Variants in JCAD observed in about 807,000 individuals in gnomAD.
JCAD encodes the protein junctional cadherin 5-associated protein.
In JCAD, 40 loss-of-function variants were observed where a neutral mutation model predicts 98.0. That is an observed-to-expected ratio of 0.41 (90% CI 0.32 to 0.53). The LOEUF (loss-of-function observed/expected upper bound fraction) is 0.53, where lower values mean the gene tolerates loss of function less well. Among genes scored for constraint, JCAD ranks in the 20% least tolerant of loss-of-function variants. The pLI is 0.31. For missense variants in JCAD, 1,705 were observed against 1,738.1 expected, an observed-to-expected ratio of 0.98 and a Z score of 0.34; for synonymous variants, 691 against 682.3, an observed-to-expected ratio of 1.01 and a Z score of -0.20.
chr10:30,055,686 A>T (rs1837556978), intron 1 of JCAD, among the ~76,000 whole-genome samples: 1 of 152,252 alleles, frequency 6.6e-6, no homozygotes, highest in Admixed American at 6.5e-5. Flanking sequence ...TCTGTGAAGT[A>T]ATCATTTTAG....
intron 1 of JCAD, among the ~76,000 whole-genome samples, chr10:30,108,717 A>C (rs952828186): frequency 6.6e-6 from 1 of 152,122 alleles, no homozygotes; most frequent in African/African-American, 2.4e-5. Context: ...CAGCCACTAC[A>C]TGCTTCTTCT....
chr10:30,019,750 G>C (rs1836618027), intron 3 of JCAD, among the ~76,000 whole-genome samples: 1 of 152,070 alleles, frequency 6.6e-6, no homozygotes, highest in South Asian at 2.1e-4. Flanking sequence ...TTTGCTGATA[G>C]AGTACATCTC....
rs757914117 is a variant in JCAD at position 30,028,154 on chromosome 10, C to G, written c.1994G>C (p.Ser665Thr). The change falls in exon 3 of 4, where the codon AGT becomes ACT. Residue 665 changes from serine (S) to threonine (T), a missense_variant. Around this residue, in one of 3 missense-constraint regions of JCAD, gnomAD observed 1,278 missense variants for 1,243.1 expected, o/e 1.03. Transcript: ENST00000375377. ...TCTGTGCTTTGTAAGGTGGATGAAA[C>G]TGAGGTCATTTGTTTGTCTGTCTTC... ...PEEDRQTNDL[S>T]FIHLTKHREL... 1 of 1,614,202 alleles carries G rather than the reference C, an allele frequency of 6.2e-7. No homozygotes were observed. The highest frequency in any genetic ancestry group is 8.5e-7 in the Non-Finnish European group (1 of 1,180,038).
chr10:30,047,763 C>T lies in JCAD; in HGVS notation c.50G>A (p.Arg17Lys). ...LLISHGYKLS[R>K]DPPASREDNP... Reference sequence around the variant, plus strand: ...ATCCTCGCGTGATGCTGGGGGGTCTCTTGACAGCTTGTATCCATGAGAGAT... The same window carrying T: ...ATCCTCGCGTGATGCTGGGGGGTCTTTTGACAGCTTGTATCCATGAGAGAT... Residue 17 changes from arginine to lysine, a missense_variant, in exon 2 of 4, where the codon AGA becomes AAA. This residue lies in a region of JCAD where 152 missense variants were observed against 148.0 expected (regional missense o/e 1.03). Transcript: ENST00000375377. The T allele has an allele frequency of 6.2e-7, 1 of 1,614,134 alleles. No homozygotes were observed. The highest frequency in any genetic ancestry group is 8.5e-7 in the Non-Finnish European group (1 of 1,180,012).
intron 2 of JCAD, among the ~76,000 whole-genome samples, chr10:30,045,201 G>A (rs928183493): frequency 6.6e-6 from 1 of 152,088 alleles, no homozygotes; most frequent in Non-Finnish European, 1.5e-5. Context: ...GGATGAGGTT[G>A]GCGGCCACAC....
chr10:30,089,143 C>A (rs1838215115), intron 1 of JCAD, among the ~76,000 whole-genome samples: 1 of 152,040 alleles, frequency 6.6e-6, no homozygotes, highest in Non-Finnish European at 1.5e-5. Flanking sequence ...GAGCACTGTG[C>A]TGGGGGTGGA....
intron 1 of JCAD, among the ~76,000 whole-genome samples, chr10:30,091,229 A>G (rs1349566219): frequency 6.6e-6 from 1 of 152,202 alleles, no homozygotes; most frequent in Non-Finnish European, 1.5e-5. Context: ...TAATAACATA[A>G]TGGAATCTCT....
intron 1 of JCAD, among the ~76,000 whole-genome samples, chr10:30,087,236 T>C (rs1156395269): frequency 6.6e-6 from 1 of 152,060 alleles, no homozygotes; most frequent in Admixed American, 6.6e-5. Context: ...TAAGGTCAGC[T>C]CAAGACTAGC....
intron 1 of JCAD, among the ~76,000 whole-genome samples, chr10:30,079,126 C>A (rs1381429986): frequency 2.6e-5 from 4 of 151,988 alleles, no homozygotes; most frequent in African/African-American, 9.7e-5. Context: ...TCTTGGGAGG[C>A]CGAGGCGGGC....
intron 3 of JCAD, among the ~76,000 whole-genome samples, chr10:30,018,286 TC>T (rs1836579665): frequency 7.9e-6 from 1 of 125,902 alleles, no homozygotes; most frequent in African/African-American, 3.5e-5. Context: ...TTCTTCTTCT[TC>T]TTCTTCTTCT....
chr10:30,092,098 T>TTAAATATATA (rs11268260), intron 1 of JCAD, among the ~76,000 whole-genome samples: 9,330 of 44,242 alleles, frequency 0.21, 1,553 homozygotes, highest in Admixed American at 0.23. Context: ...TAAAGTTACT[T>TTAAATATATA]TATATATATA....
chr10:30,076,963 G>A (rs951039890), intron 1 of JCAD, among the ~76,000 whole-genome samples: 1 of 152,166 alleles, frequency 6.6e-6, no homozygotes, highest in Non-Finnish European at 1.5e-5. Flanking sequence ...CAGCAGAACT[G>A]ACCTGCCCAG....
Position 30,026,433 on chromosome 10 carries a change from C to T in JCAD, c.3715G>A (p.Val1239Met). 6.2e-7 allele frequency: 1 copy of T among 1,614,258 alleles called. No homozygotes were observed. The highest frequency in any genetic ancestry group is 8.5e-7 in the Non-Finnish European group (1 of 1,180,044). Reference sequence around the variant, plus strand: ...AGTTTCTCTTGTAAACTTTCAATCACTTTGGAAGGGCTTCTAAGTCTCTTT... The same window carrying T: ...AGTTTCTCTTGTAAACTTTCAATCATTTTGGAAGGGCTTCTAAGTCTCTTT... ...SEKRLRSPSK[V>M]IESLQEKLAS... The change falls in exon 3 of 4, where the codon GTG (valine) becomes ATG (methionine). Residue 1239 changes from valine (V) to methionine (M), a missense_variant. Physicochemically the swap from Val to Met is conservative, Grantham distance 21 (BLOSUM62 1). Transcript: ENST00000375377.
chr10:30,027,434 C>T lies in JCAD; in HGVS notation c.2714G>A (p.Arg905Lys). Residue 905 changes from arginine to lysine, a missense_variant, in exon 3 of 4, where the codon AGG becomes AAG. Physicochemically the swap from Arg to Lys is conservative, Grantham distance 26. This residue lies in a region of JCAD where 1,278 missense variants were observed against 1,243.1 expected (regional missense o/e 1.03). Coordinates refer to ENST00000375377, the MANE Select transcript of JCAD (RefSeq NM_020848.4). ...RMWVPESPVC[R>K]SGRGESKSES... is the part of the protein sequence containing the mutation. ...AGACTTACTCTCACCTCTTCCCGAC[C>T]TACACACAGGGCTCTCCGGCACCCA... is the stretch of plus-strand genomic sequence containing the variant. The T allele has an allele frequency of 6.2e-7, 1 of 1,604,674 alleles. No homozygotes were observed. The highest frequency in any genetic ancestry group is 1.1e-5 in the South Asian group (1 of 91,086).
Position 30,029,764 on chromosome 10 carries a change from C to T in JCAD, c.384G>A (p.Pro128=), listed in dbSNP as rs377637490. Residue 128 remains proline, a synonymous_variant, in exon 3 of 4, where the codon CCG becomes CCA. Coordinates refer to ENST00000375377, the MANE Select transcript of JCAD (RefSeq NM_020848.4). ...RGRQEARSQK[P]REHENLEARG... Reference sequence around the variant, plus strand: ...TGGCCTCCAGGTTTTCGTGCTCCCTCGGCTTCTGGCTCCTGGCTTCTTGCC... The same window carrying T: ...TGGCCTCCAGGTTTTCGTGCTCCCTTGGCTTCTGGCTCCTGGCTTCTTGCC... 2.5e-5 allele frequency: 41 copies of T among 1,614,126 alleles called. No homozygotes were observed. Among genetic ancestry groups the T allele is most frequent in the African/African-American group, 5.3e-5 (4 of 74,936 alleles).
intron 1 of JCAD, among the ~76,000 whole-genome samples, chr10:30,112,245 AG>A (rs979585627): frequency 4.6e-5 from 7 of 152,222 alleles, no homozygotes; most frequent in Admixed American, 4.6e-4. Context: ...AGGCTGATGT[AG>A]GAGGATCACT....
chr10:30,047,622 C>A lies in JCAD; in HGVS notation c.191G>T (p.Gly64Val). The A allele has an allele frequency of 6.2e-7, 1 of 1,614,210 alleles. No homozygotes were observed. The highest frequency in any genetic ancestry group is 8.5e-7 in the Non-Finnish European group (1 of 1,180,046). ...LAHRKTSAGK[G>V]HVSDSESRRS... ...GCGGCTTTCGGAGTCACTCACATGT[C>A]CTTTCCCCGCGGACGTCTTACGATG... The change falls in exon 2 of 4, where the codon GGA (glycine) becomes GTA (valine). Residue 64 changes from glycine to valine, a missense_variant. Coordinates refer to ENST00000375377, the MANE Select transcript of JCAD (RefSeq NM_020848.4).
At chr10:30,106,093 G>A (rs919360185) in intron 1 of JCAD, among the ~76,000 whole-genome samples, 8 of 152,036 alleles carry the variant, frequency 5.3e-5, no homozygotes, top group East Asian at 1.9e-4. Flanking sequence ...ATAGAACCAC[G>A]GTTATAGATT....
At chr10:30,072,673 G>A (rs1018350104) in intron 1 of JCAD, among the ~76,000 whole-genome samples, 1 of 148,966 alleles carries the variant, frequency 6.7e-6, no homozygotes, top group Non-Finnish European at 1.5e-5. Flanking sequence ...TTTTTTTTGA[G>A]ACAGAGTCTC....
Sources: gnomAD v4.1 joint callset for allele counts (sites outside exome capture counted in the v4.1 genomes callset) on GRCh38, gnomAD v4.1.1 for gene constraint, gnomAD v4.1.1 regional missense constraint, MANE v1.5 for transcripts, NCBI Gene and HGNC (gene_info 2026-07-23, HGNC 2026-07-21) for gene names.